Variants in BMAL1 observed in about 807,000 individuals in gnomAD.
The protein encoded by BMAL1 is basic helix-loop-helix ARNT-like protein 1.
chr11:13,331,632 C>T, the BMAL1 span, among the ~76,000 whole-genome samples: 2 of 152,148 alleles, frequency 1.3e-5, no homozygotes, highest in Non-Finnish European at 2.9e-5. Context: ...TCTGGCCCCA[C>T]CCCTGGTAGA....
At chr11:13,353,596 T>C in the BMAL1 span, 1 of 152,182 alleles carries the variant, frequency 6.6e-6, no homozygotes, top group African/African-American at 2.4e-5. Flanking sequence ...GACGGGCAGA[T>C]CTCTTGAGGT....
the BMAL1 span, among the ~76,000 whole-genome samples, chr11:13,348,744 C>A: frequency 6.6e-6 from 1 of 152,180 alleles, no homozygotes; most frequent in Admixed American, 6.5e-5. Flanking sequence ...TGTGCCCAGA[C>A]TGGGGTTAAC....
chr11:13,288,951 T>A, the BMAL1 span, among the ~76,000 whole-genome samples: 4 of 152,192 alleles, frequency 2.6e-5, no homozygotes, highest in African/African-American at 9.7e-5. Context: ...GGAAGTCGAA[T>A]GTTTTAAAAC....
the BMAL1 span, among the ~76,000 whole-genome samples, chr11:13,277,329 G>C: frequency 6.6e-6 from 1 of 152,178 alleles, no homozygotes. Context: ...AGGGGACCCA[G>C]AGAAGAGGGA....
At chr11:13,303,617 T>A in the BMAL1 span, among the ~76,000 whole-genome samples, 1 of 152,232 alleles carries the variant, frequency 6.6e-6, no homozygotes, top group African/African-American at 2.4e-5. Context: ...TTCCTTGCAG[T>A]CATCCAGGGA....
At chr11:13,381,972 C>T in the BMAL1 span, among the ~76,000 whole-genome samples, 1 of 152,168 alleles carries the variant, frequency 6.6e-6, no homozygotes, top group Non-Finnish European at 1.5e-5. Context: ...CTTTCCCCAT[C>T]TCCTAAAACA....
chr11:13,365,343 G>T, the BMAL1 span: 3 of 443,448 alleles, frequency 6.8e-6, no homozygotes, highest in Non-Finnish European at 8.2e-6. Context: ...CTTCAGAGAC[G>T]TTTGTTTTCA....
the BMAL1 span, among the ~76,000 whole-genome samples, chr11:13,366,218 A>G: frequency 1.3e-5 from 2 of 152,232 alleles, no homozygotes; most frequent in Non-Finnish European, 2.9e-5. Context: ...TAATTTTTCC[A>G]AAGATTTCTG....
the BMAL1 span, among the ~76,000 whole-genome samples, chr11:13,297,222 A>G: frequency 2.0e-5 from 3 of 152,186 alleles, no homozygotes; most frequent in Non-Finnish European, 4.4e-5. Flanking sequence ...TCCCCTCAGC[A>G]TGGAGTCACC....
the BMAL1 span, among the ~76,000 whole-genome samples, chr11:13,370,561 C>G: frequency 6.6e-6 from 1 of 152,242 alleles, no homozygotes; most frequent in African/African-American, 2.4e-5. Flanking sequence ...CACCACCCCA[C>G]TCTTCAATCC....
the BMAL1 span, among the ~76,000 whole-genome samples, chr11:13,364,918 G>A: frequency 3.9e-5 from 6 of 152,246 alleles, no homozygotes; most frequent in African/African-American, 1.2e-4. Context: ...TCACATTAAC[G>A]TGGAAGTGGG....
chr11:13,280,326 T>C, the BMAL1 span, among the ~76,000 whole-genome samples: 1 of 152,264 alleles, frequency 6.6e-6, no homozygotes, highest in Non-Finnish European at 1.5e-5. Flanking sequence ...TTCAGATTTA[T>C]CCCTTCACAC....
the BMAL1 span, among the ~76,000 whole-genome samples, chr11:13,385,510 G>C: frequency 1.3e-5 from 2 of 152,140 alleles, no homozygotes; most frequent in Non-Finnish European, 2.9e-5. Flanking sequence ...AGAATAGTTC[G>C]GGGGAGAGGT....
the BMAL1 span, among the ~76,000 whole-genome samples, chr11:13,295,748 C>T: frequency 6.6e-6 from 1 of 152,206 alleles, no homozygotes; most frequent in Non-Finnish European, 1.5e-5. Context: ...TTTATGCATG[C>T]TGCAGCTTTG....
chr11:13,387,144 T>C, the BMAL1 span: 5 of 159,954 alleles, frequency 3.1e-5, no homozygotes, highest in Admixed American at 6.4e-5. Context: ...ATATTTCTTA[T>C]ACTAATTGTA....
At chr11:13,315,969 G>C in the BMAL1 span, among the ~76,000 whole-genome samples, 1 of 152,234 alleles carries the variant, frequency 6.6e-6, no homozygotes, top group Non-Finnish European at 1.5e-5. Context: ...TTCTGCATCA[G>C]AACCAGCTGT....
At chr11:13,367,210 T>C in the BMAL1 span, among the ~76,000 whole-genome samples, 1 of 152,198 alleles carries the variant, frequency 6.6e-6, no homozygotes, top group Non-Finnish European at 1.5e-5. Context: ...ATATGGTGTT[T>C]CTTCAACCAA....
At chr11:13,314,254 C>CAG in the BMAL1 span, among the ~76,000 whole-genome samples, 1 of 151,704 alleles carries the variant, frequency 6.6e-6, no homozygotes, top group Non-Finnish European at 1.5e-5. Flanking sequence ...CACACACACA[C>CAG]ACACACACAC....
chr11:13,284,176 A>ATGTG, the BMAL1 span, among the ~76,000 whole-genome samples: 58 of 23,276 alleles, frequency 2.5e-3, 5 homozygotes, highest in Admixed American at 0.019. Context: ...ATATATATAT[A>ATGTG]TGTGTATATA....
Sources: gnomAD v4.1 joint callset for allele counts (sites outside exome capture counted in the v4.1 genomes callset) on GRCh38, gnomAD v4.1.1 for gene constraint, MANE v1.5 for transcripts, NCBI Gene and HGNC (gene_info 2026-07-23, HGNC 2026-07-21) for gene names.